KCNH7: variants seen among roughly 807,000 people sequenced by gnomAD.
KCNH7 encodes the protein potassium voltage-gated channel subfamily H member 7.
Under a neutral mutation model 120.8 loss-of-function variants are expected in KCNH7, and 49 were observed. The ratio of observed to expected loss-of-function variants is 0.41; its 90% CI spans 0.32 to 0.51. The LOEUF is 0.51. Among genes scored for constraint, KCNH7 ranks in the 20% least tolerant of loss-of-function variants. KCNH7 has a pLI of 0.38. For missense variants in KCNH7, 1,097 were observed against 1,446.6 expected (o/e 0.76, Z 3.92); for synonymous variants, 547 against 516.1 (o/e 1.06, Z -0.81).
At chr2:162,462,018 C>T (rs1689161971) in intron 6 of KCNH7, among the ~76,000 whole-genome samples, 1 of 152,044 alleles carries the variant, frequency 6.6e-6, no homozygotes, top group African/African-American at 2.4e-5. Context: ...TCCAGGGGTC[C>T]TGTAGAAATG....
chr2:162,427,100 C>A (rs112178229), intron 8 of KCNH7, among the ~76,000 whole-genome samples: 5 of 151,278 alleles, frequency 3.3e-5, no homozygotes, highest in Non-Finnish European at 7.4e-5. Context: ...ATGGCTATAC[C>A]ACAGTTTGTT....
At chr2:162,680,359 A>G (rs13398044) in intron 2 of KCNH7, among the ~76,000 whole-genome samples, 1,726 of 151,904 alleles carry the variant, frequency 0.011, 31 homozygotes, top group African/African-American at 0.039. Context: ...CTGGGCAAGA[A>G]TGAGTGAATA....
At chr2:162,625,839 T>C (rs562296074) in intron 2 of KCNH7, among the ~76,000 whole-genome samples, 197 of 152,218 alleles carry the variant, frequency 1.3e-3, no homozygotes, top group African/African-American at 4.3e-3. Flanking sequence ...TTGAGATGTG[T>C]GTGAGGTGAC....
At chr2:162,833,472 T>C (rs1050985861) in intron 2 of KCNH7, among the ~76,000 whole-genome samples, 1 of 152,072 alleles carries the variant, frequency 6.6e-6, no homozygotes. Context: ...ATAATTAGAG[T>C]TTTATGTCAA....
At chr2:162,672,565 T>G (rs891964686) in intron 2 of KCNH7, among the ~76,000 whole-genome samples, 5 of 151,880 alleles carry the variant, frequency 3.3e-5, no homozygotes, top group African/African-American at 1.2e-4. Context: ...ATGAATAAAC[T>G]CAGCAACAAA....
At chr2:162,412,274 A>G (rs1266366041) in intron 9 of KCNH7, among the ~76,000 whole-genome samples, 2 of 152,102 alleles carry the variant, frequency 1.3e-5, no homozygotes, top group African/African-American at 4.8e-5. Flanking sequence ...AAACTTTTTA[A>G]GAAGAAAATG....
At chr2:162,608,721 ATG>A (rs1172517357) in intron 2 of KCNH7, among the ~76,000 whole-genome samples, 2 of 152,276 alleles carry the variant, frequency 1.3e-5, no homozygotes, top group African/African-American at 4.8e-5. Context: ...TCCTCTCCAC[ATG>A]TGTTAGTGTA....
chr2:162,709,224 T>C (rs1283900401), intron 2 of KCNH7, among the ~76,000 whole-genome samples: 4 of 152,102 alleles, frequency 2.6e-5, no homozygotes, highest in Non-Finnish European at 5.9e-5. Context: ...TCAAGAGTGA[T>C]TAAAAACTGA....
chr2:162,394,129 G>A (rs565116715), intron 12 of KCNH7, among the ~76,000 whole-genome samples: 1 of 151,810 alleles, frequency 6.6e-6, no homozygotes, highest in Non-Finnish European at 1.5e-5. Flanking sequence ...TGACCTGAAC[G>A]TCTTTTAAAA....
At chr2:162,763,054 G>T (rs981577485) in intron 2 of KCNH7, among the ~76,000 whole-genome samples, 11 of 152,044 alleles carry the variant, frequency 7.2e-5, no homozygotes, top group African/African-American at 2.7e-4. Context: ...CTGCTACTAT[G>T]ATTCTCTCTT....
chr2:162,509,321 C>A (rs1209816111), intron 5 of KCNH7, among the ~76,000 whole-genome samples: 1 of 151,314 alleles, frequency 6.6e-6, no homozygotes, highest in Non-Finnish European at 1.5e-5. Context: ...AAAAATAATG[C>A]TACTTTAAAA....
At chr2:162,830,040 C>A (rs1685419750) in intron 2 of KCNH7, among the ~76,000 whole-genome samples, 1 of 152,030 alleles carries the variant, frequency 6.6e-6, no homozygotes, top group African/African-American at 2.4e-5. Context: ...TGCGTAATAA[C>A]AAGGAGCACT....
chr2:162,604,433 C>T (rs1388441447), intron 2 of KCNH7, among the ~76,000 whole-genome samples: 1 of 151,946 alleles, frequency 6.6e-6, no homozygotes, highest in Non-Finnish European at 1.5e-5. Context: ...TTAGGTATTC[C>T]CACCCAATCC....
At chr2:162,694,499 T>C (rs1686221370) in intron 2 of KCNH7, among the ~76,000 whole-genome samples, 1 of 151,908 alleles carries the variant, frequency 6.6e-6, no homozygotes, top group Non-Finnish European at 1.5e-5. Flanking sequence ...TGTGTGTGTG[T>C]GTGTGTGATC....
chr2:162,571,073 T>G (rs1013926538), intron 2 of KCNH7, among the ~76,000 whole-genome samples: 15 of 151,820 alleles, frequency 9.9e-5, no homozygotes, highest in African/African-American at 1.4e-4. Context: ...AGGAAATAAA[T>G]GGTATTCAAT....
chr2:162,376,808 A>T (rs1246974521), intron 14 of KCNH7, among the ~76,000 whole-genome samples: 1 of 152,182 alleles, frequency 6.6e-6, no homozygotes, highest in African/African-American at 2.4e-5. Flanking sequence ...TGTGAGAAGC[A>T]CTGGTCTAGA....
chr2:162,679,584 C>T (rs908363525), intron 2 of KCNH7, among the ~76,000 whole-genome samples: 19 of 151,602 alleles, frequency 1.3e-4, no homozygotes, highest in African/African-American at 4.4e-4. Context: ...AGAATAACAA[C>T]ATCAAAGTAT....
At chr2:162,456,073 T>C (rs1049790827) in intron 6 of KCNH7, among the ~76,000 whole-genome samples, 5 of 152,280 alleles carry the variant, frequency 3.3e-5, no homozygotes, top group South Asian at 4.1e-4. Flanking sequence ...TGTGGGCAAT[T>C]AGTGCTATAA....
intron 2 of KCNH7, among the ~76,000 whole-genome samples, chr2:162,671,691 T>C (rs1574247756): frequency 1.3e-5 from 2 of 151,796 alleles, no homozygotes; most frequent in East Asian, 3.9e-4. Context: ...CATAACTGCA[T>C]GACATGCACA....
Sources: gnomAD v4.1 joint callset for allele counts (sites outside exome capture counted in the v4.1 genomes callset) on GRCh38, gnomAD v4.1.1 for gene constraint, MANE v1.5 for transcripts, NCBI Gene and HGNC (gene_info 2026-07-23, HGNC 2026-07-21) for gene names.